CACNB4: variants seen among roughly 807,000 people sequenced by gnomAD.
CACNB4 encodes the protein voltage-dependent L-type calcium channel subunit beta-4.
Under a neutral mutation model 71.2 loss-of-function variants are expected in CACNB4, and 32 were observed. That is an observed-to-expected ratio of 0.45 (90% CI 0.34 to 0.60). CACNB4 has a LOEUF of 0.60. Among genes scored for constraint, CACNB4 ranks in the 20% least tolerant of loss-of-function variants. CACNB4 has a pLI of 0.01. For synonymous variants in CACNB4, 231 were observed against 236.9 expected (o/e 0.97, Z 0.23); for missense variants, 464 against 647.9 (o/e 0.72, Z 3.08).
At chr2:151,961,015 G>C (rs1026062662) in intron 2 of CACNB4, among the ~76,000 whole-genome samples, 1 of 152,144 alleles carries the variant, frequency 6.6e-6, no homozygotes, top group South Asian at 2.1e-4. Context: ...GACTAAAAAT[G>C]GCAAGACTTG....
intron 2 of CACNB4, among the ~76,000 whole-genome samples, chr2:151,918,058 GA>G (rs2099857997): frequency 1.3e-5 from 2 of 151,972 alleles, no homozygotes; most frequent in South Asian, 2.1e-4. Flanking sequence ...GGCTGGGGGG[GA>G]AAAGGGTGCT....
At chr2:151,847,099 C>CA (rs397766580) in intron 12 of CACNB4, among the ~76,000 whole-genome samples, 15,896 of 79,456 alleles carry the variant, frequency 0.2, 1,374 homozygotes, top group African/African-American at 0.3. Context: ...AAACTGACAC[C>CA]AAAAAAAAAA....
chr2:151,992,120 A>G (rs543420916), intron 2 of CACNB4, among the ~76,000 whole-genome samples: 2 of 152,282 alleles, frequency 1.3e-5, no homozygotes, highest in African/African-American at 2.4e-5. Flanking sequence ...CTATTTGGAG[A>G]CAGGCCTGGA....
chr2:151,911,810 C>CT (rs1328097273), intron 2 of CACNB4, among the ~76,000 whole-genome samples: 2 of 151,806 alleles, frequency 1.3e-5, no homozygotes, highest in African/African-American at 4.8e-5. Context: ...TGGTCCTGGG[C>CT]TTTTTTTGGT....
intron 2 of CACNB4, among the ~76,000 whole-genome samples, chr2:152,046,167 AT>A (rs1178075012): frequency 4.6e-5 from 7 of 152,234 alleles, no homozygotes; most frequent in African/African-American, 1.7e-4. Flanking sequence ...GGAAACTCTG[AT>A]TATATAACAG....
At chr2:152,087,394 T>C (rs1375098150) in intron 2 of CACNB4, among the ~76,000 whole-genome samples, 1 of 142,498 alleles carries the variant, frequency 7.0e-6, no homozygotes, top group Non-Finnish European at 1.5e-5. Context: ...ATTGTGCAAC[T>C]GCACTCCAGC....
intron 2 of CACNB4, among the ~76,000 whole-genome samples, chr2:151,964,407 G>C (rs2099870511): frequency 6.6e-6 from 1 of 151,278 alleles, no homozygotes; most frequent in African/African-American, 2.5e-5. Context: ...GAATTGTTAA[G>C]AATGGCTACC....
intron 2 of CACNB4, among the ~76,000 whole-genome samples, chr2:151,926,839 G>A (rs186697748): frequency 6.6e-6 from 1 of 152,332 alleles, no homozygotes; most frequent in East Asian, 1.9e-4. Flanking sequence ...ATACTGAAGA[G>A]TGACAGGTTT....
At chr2:152,019,586 C>G (rs950300961) in intron 2 of CACNB4, among the ~76,000 whole-genome samples, 1 of 151,898 alleles carries the variant, frequency 6.6e-6, no homozygotes, top group African/African-American at 2.4e-5. Flanking sequence ...AGGTGGATGA[C>G]TGGAAAGACT....
intron 2 of CACNB4, chr2:151,971,465 C>T: frequency 1.4e-6 from 1 of 702,286 alleles, no homozygotes; most frequent in Non-Finnish European, 2.6e-6. Flanking sequence ...AGCTAGCCAT[C>T]TGAGAAAAGC....
At chr2:152,024,551 T>C (rs768764854) in intron 2 of CACNB4, among the ~76,000 whole-genome samples, 112 of 152,348 alleles carry the variant, frequency 7.4e-4, no homozygotes, top group South Asian at 2.3e-3. Flanking sequence ...TAAAAGATTA[T>C]GTATTACTTT....
At chr2:151,963,256 G>A (rs1578997953) in intron 2 of CACNB4, among the ~76,000 whole-genome samples, 1 of 148,052 alleles carries the variant, frequency 6.8e-6, no homozygotes. Flanking sequence ...AGCTTGTAGT[G>A]AGCCGAGATT....
At chr2:151,988,420 A>G (rs1270817280) in intron 2 of CACNB4, among the ~76,000 whole-genome samples, 1 of 152,114 alleles carries the variant, frequency 6.6e-6, no homozygotes, top group Non-Finnish European at 1.5e-5. Flanking sequence ...TCCCCACCCT[A>G]CATGAGAGTG....
At chr2:151,993,495 AG>A (rs1681836151) in intron 2 of CACNB4, among the ~76,000 whole-genome samples, 1 of 152,140 alleles carries the variant, frequency 6.6e-6, no homozygotes, top group African/African-American at 2.4e-5. Flanking sequence ...GGGCCAGGTA[AG>A]GAACCAGAAA....
chr2:152,087,161 G>A (rs183438308), intron 2 of CACNB4, among the ~76,000 whole-genome samples: 101 of 151,316 alleles, frequency 6.7e-4, no homozygotes, highest in Admixed American at 1.2e-3. Flanking sequence ...GGCTAGGCAC[G>A]GTGGCTCATG....
intron 2 of CACNB4, among the ~76,000 whole-genome samples, chr2:151,921,905 G>A (rs1328145797): frequency 1.3e-5 from 2 of 152,104 alleles, no homozygotes; most frequent in African/African-American, 4.8e-5. Context: ...ATGATTCTAA[G>A]TTTCCTGAGG....
chr2:151,930,398 A>C (rs942583854), intron 2 of CACNB4, among the ~76,000 whole-genome samples: 8 of 152,114 alleles, frequency 5.3e-5, no homozygotes, highest in Non-Finnish European at 1.2e-4. Flanking sequence ...AAAGTATATA[A>C]AACTAAAATT....
chr2:151,856,706 C>T (rs1269657485), intron 10 of CACNB4: 1 of 152,026 alleles, frequency 6.6e-6, no homozygotes, highest in Non-Finnish European at 1.5e-5. Flanking sequence ...AACTATCTAA[C>T]TTAAATTATT....
intron 2 of CACNB4, chr2:151,973,945 A>G: frequency 7.8e-7 from 1 of 1,279,948 alleles, no homozygotes; most frequent in African/African-American, 1.5e-5. Context: ...GAGCACAAAA[A>G]GCAAAACCCT....
Sources: allele counts gnomAD v4.1 joint callset (sites outside exome capture counted in the v4.1 genomes callset), GRCh38; gene constraint gnomAD v4.1.1; transcripts MANE v1.5; gene names NCBI Gene and HGNC (gene_info 2026-07-23, HGNC 2026-07-21).